APRT: variants seen among roughly 807,000 people sequenced by gnomAD.
APRT encodes the protein AMP diphosphorylase.
In APRT, 25 loss-of-function variants were observed where a neutral mutation model predicts 21.0. The observed-to-expected ratio is 1.19, with a 90% CI of 0.87 to 1.66. The LOEUF is 1.66. Among genes scored for constraint, APRT ranks in the 40% most tolerant of loss-of-function variants. APRT has a pLI of 0.00. For synonymous variants in APRT, 153 were observed against 109.0 expected (o/e 1.40, Z -2.52); for missense variants, 294 against 232.7 (o/e 1.26, Z -1.72).
In APRT at chr16:88,809,508, A is replaced by C; in HGVS notation, c.*190T>G. The stretch of plus-strand genomic sequence containing the variant: ...TTTACTGCGTTCTCCCGCTGTGTGT[A>C]ATTGGGTTCAGTGTGGCTGAAACAC... On this transcript the variant is annotated 3_prime_UTR_variant, in exon 5 of 5. Transcript: ENST00000378364. 1 of 871,580 alleles carries C rather than the reference A, an allele frequency of 1.1e-6. No homozygotes were observed. The highest frequency in any genetic ancestry group is 1.8e-6 in the Non-Finnish European group (1 of 541,028). 54.0% of individuals were successfully genotyped at this position (871,580 alleles called of 1,614,324 possible).
chr16:88,811,450 A>C (rs942498442), intron 2 of APRT, 100 bp downstream of exon 2: 3 of 1,287,754 alleles, frequency 2.3e-6, no homozygotes, highest in Non-Finnish European at 3.2e-6. Context: ...CCCCTGAAGC[A>C]CCCCAAAGGC....
chr16:88,810,426 C>A lies in APRT; in HGVS notation c.318G>T (p.Gly106=). 1 of 1,611,920 alleles carries A rather than the reference C, an allele frequency of 6.2e-7. No individual in the cohort carries two copies. Among genetic ancestry groups the A allele is most frequent in the Non-Finnish European group, 8.5e-7 (1 of 1,180,000 alleles). The change falls in exon 3 of 5, where the codon GGG becomes GGT. Residue 106 remains glycine, a synonymous_variant. Coordinates refer to ENST00000378364, the MANE Select transcript of APRT (RefSeq NM_000485.3). The stretch of plus-strand genomic sequence containing the variant: ...CTGGCCACCCCAGCCCTCTTACCTT[C>A]CCGTACTCCAGGGAATAGGAGGCCC... ...TLWASYSLEY[G]KAELEIQKDA... is the part of the protein sequence containing the mutation.
Position 88,811,753 on chromosome 16 carries a change from G to T in APRT, c.80+67C>A, listed in dbSNP as rs552374268. ...TTCCCGCCCCGCCCGCCCGGAGGTC[G>T]CGGGCCACGCGCTCCCATCCGTAGG... On this transcript the variant is annotated intron_variant, in intron 1 of 4. Transcript: ENST00000378364. 313 of 1,507,938 alleles carry T rather than the reference G, an allele frequency of 2.1e-4. 3 individuals are homozygous for T. In the South Asian group the frequency reaches 3.7e-3, roughly 18 times the overall value. The allele number at this position is 1,507,938 out of a possible 1,614,324, so 93.4% of individuals were successfully genotyped here.
intron 4 of APRT, 61 bp downstream of exon 4, chr16:88,810,009 T>C: frequency 6.3e-7 from 1 of 1,590,306 alleles, no homozygotes; most frequent in Non-Finnish European, 8.6e-7. Flanking sequence ...CACAGCGAGG[T>C]CCTGTCCCAC....
intron 2 of APRT, 169 bp downstream of exon 2, chr16:88,811,381 C>T: frequency 1.4e-6 from 1 of 709,516 alleles, no homozygotes; most frequent in Non-Finnish European, 2.3e-6. Context: ...GCGGCGGCCT[C>T]GGGGGCTCAA....
rs1471863801 is a variant in APRT at position 88,810,278 on chromosome 16, CTA to C, written c.322-132_322-131del. 3.3e-6 allele frequency: 5 copies of C among 1,500,398 alleles called. No individual in the cohort carries two copies. In the South Asian group the frequency reaches 3.4e-5, roughly 10 times the overall value. The allele number at this position is 1,500,398 out of a possible 1,614,324, so 92.9% of individuals were successfully genotyped here. A position where few individuals can be genotyped will look rare whatever the true frequency, so the allele number is the denominator to read the frequency against. ...TGTTACCTGGCTGTGTGAGCCCAGC[CTA>C]TGTCTCAACCTCTCTGAGCTCCCAA... is the stretch of plus-strand genomic sequence containing the variant. On this transcript the variant is annotated intron_variant, in intron 3 of 4. Coordinates refer to ENST00000378364, the MANE Select transcript of APRT (RefSeq NM_000485.3).
Position 88,811,662 on chromosome 16 carries a change from C to G in APRT, c.81-6G>C. On this transcript the variant is annotated splice_region_variant and splice_polypyrimidine_tract_variant and intron_variant, in intron 1 of 4. Transcript: ENST00000378364. ...TCAGGACGGGCGAGATGTCCCTGGA[C>G]CCAAGGACAGGCCTGGTGACGCCGG... is the stretch of plus-strand genomic sequence containing the variant. The G allele has an allele frequency of 6.3e-7, 1 of 1,581,412 alleles. No homozygotes were observed. The highest frequency in any genetic ancestry group is 8.6e-7 in the Non-Finnish European group (1 of 1,162,272).
intron 2 of APRT, among the ~76,000 whole-genome samples, chr16:88,811,005 C>T (rs1005242355): frequency 6.6e-6 from 1 of 152,142 alleles, no homozygotes; most frequent in Non-Finnish European, 1.5e-5. Context: ...GAGAAGGGAG[C>T]TCTGGCAGTG....
intron 4 of APRT, 41 bp downstream of exon 4, chr16:88,810,029 G>A: frequency 6.2e-7 from 1 of 1,606,240 alleles, no homozygotes; most frequent in Non-Finnish European, 8.5e-7. Flanking sequence ...CTCCCACCAG[G>A]CCCTTGGAGC....
chr16:88,810,635 C>G (rs1158671305), intron 2 of APRT, 79 bp from the exon 3 acceptor site: 20 of 1,542,048 alleles, frequency 1.3e-5, no homozygotes, highest in Non-Finnish European at 1.6e-5. Flanking sequence ...CAAGGGGTAC[C>G]TGGTTGGCTC....
chr16:88,810,394 C>T (rs1909075345), intron 3 of APRT, 29 bp downstream of exon 3: 1 of 1,609,918 alleles, frequency 6.2e-7, no homozygotes, highest in Non-Finnish European at 8.5e-7. Flanking sequence ...CTGGCCCTGC[C>T]CTTCCTCTGG....
chr16:88,811,553 C>T lies in APRT; in HGVS notation c.184G>A (p.Ala62Thr). Residue 62 changes from alanine (A) to threonine (T), a missense_variant, in exon 2 of 5, where the codon GCA (alanine) becomes ACA (threonine). By Grantham distance (58) the Ala-to-Thr change is moderately conservative. Coordinates refer to ENST00000378364, the MANE Select transcript of APRT (RefSeq NM_000485.3). ...GATGCGGCCACTGGGCACTCGCCTG[C>T]GATGTAGTCGATGCGGCCCCCGTGG... The part of the protein sequence containing the change: ...ATHGGRIDYI[A>T]GLDSRGFLFG... 1 of 1,593,346 alleles carries T rather than the reference C, an allele frequency of 6.3e-7. No homozygotes were observed. The highest frequency in any genetic ancestry group is 8.5e-7 in the Non-Finnish European group (1 of 1,171,368).
intron 2 of APRT, 47 bp downstream of exon 2, chr16:88,811,503 C>G: frequency 6.6e-7 from 1 of 1,523,320 alleles, no homozygotes; most frequent in African/African-American, 1.4e-5. Context: ...CTGCCCTCGG[C>G]GCGCGCAGAG....
chr16:88,809,739 G>A lies in APRT; in HGVS notation c.502C>T (p.Leu168=). ...ELTSLKGREK[L]APVPFFSLLQ... ...AGAGAGAAGAAGGGTACAGGTGCCA[G>A]CTTCTCCCTGCCCTTAAGCGAGGTC... The change falls in exon 5 of 5, where the codon CTG becomes TTG. Residue 168 remains leucine, a synonymous_variant. Transcript: ENST00000378364. 2 of 1,613,414 alleles carry A rather than the reference G, an allele frequency of 1.2e-6. No individual in the cohort carries two copies. The highest frequency in any genetic ancestry group is 1.1e-5 in the South Asian group (1 of 91,090).
At chr16:88,810,722 G>A (rs1264124423) in intron 2 of APRT, among the ~76,000 whole-genome samples, 166 bp from the exon 3 acceptor site, 3 of 152,224 alleles carry the variant, frequency 2.0e-5, no homozygotes, top group African/African-American at 4.8e-5. Context: ...CCAGGTCAGA[G>A]TGCAGACCTG....
At position 88,809,464 on chromosome 16, in the gene APRT, G is replaced by C; in HGVS notation, c.*234C>G. ...CCTGGGGAACAGGAGGACAGGAGAC[G>C]GCTCTTGTGGGAAAGCTGTTTACTG... On this transcript the variant is annotated 3_prime_UTR_variant, in exon 5 of 5. Coordinates refer to ENST00000378364, the MANE Select transcript of APRT (RefSeq NM_000485.3). 1 of 676,720 alleles carries C rather than the reference G, an allele frequency of 1.5e-6. No homozygotes were observed. The highest frequency in any genetic ancestry group is 2.6e-6 in the Non-Finnish European group (1 of 378,260). The allele number at this position is 676,720 out of a possible 1,614,324, so 41.9% of individuals were successfully genotyped here. A position where few individuals can be genotyped will look rare whatever the true frequency, so the allele number is the denominator to read the frequency against.
chr16:88,811,613 C>T lies in APRT; in HGVS notation c.124G>A (p.Ala42Thr). ...AGGTGTCGCGCCAGGAGGCCGATGGCGGCGCGGAAGGAGGCGGGGTCCTTC... is the reference window on the plus strand; with the variant it reads ...AGGTGTCGCGCCAGGAGGCCGATGGTGGCGCGGAAGGAGGCGGGGTCCTTC... ...VLKDPASFRA[A>T]IGLLARHLKA... is the part of the protein sequence containing the mutation. Residue 42 changes from alanine to threonine, a missense_variant, in exon 2 of 5, where the codon GCC becomes ACC. Ala to Thr is a moderately conservative substitution (Grantham distance 58). Coordinates refer to ENST00000378364, the MANE Select transcript of APRT (RefSeq NM_000485.3). 1 of 1,603,714 alleles carries T rather than the reference C, an allele frequency of 6.2e-7. No individual in the cohort carries two copies. The highest frequency in any genetic ancestry group is 1.3e-5 in the African/African-American group (1 of 74,768).
rs527932929 is a variant in APRT at position 88,811,752 on chromosome 16, C to G, written c.80+68G>C. ...GTTCCCGCCCCGCCCGCCCGGAGGTCGCGGGCCACGCGCTCCCATCCGTAG... is the reference window on the plus strand; with the variant it reads ...GTTCCCGCCCCGCCCGCCCGGAGGTGGCGGGCCACGCGCTCCCATCCGTAG... On this transcript the variant is annotated intron_variant, in intron 1 of 4. Coordinates refer to ENST00000378364, the MANE Select transcript of APRT (RefSeq NM_000485.3). 314 of 1,505,738 alleles carry G rather than the reference C, an allele frequency of 2.1e-4. 3 individuals are homozygous for G. The South Asian group carries it at 3.7e-3, about 18-fold the overall frequency. The allele number at this position is 1,505,738 out of a possible 1,614,324, so 93.3% of individuals were successfully genotyped here. A position where few individuals can be genotyped will look rare whatever the true frequency, so the allele number is the denominator to read the frequency against.
intron 2 of APRT, chr16:88,811,175 A>C: frequency 2.3e-6 from 1 of 428,640 alleles, no homozygotes; most frequent in Non-Finnish European, 4.2e-6. Flanking sequence ...CTGGGTGGGC[A>C]TTCCGTGATC....
Sources: allele counts gnomAD v4.1 joint callset (sites outside exome capture counted in the v4.1 genomes callset), GRCh38; gene constraint gnomAD v4.1.1; transcripts MANE v1.5; gene names NCBI Gene and HGNC (gene_info 2026-07-23, HGNC 2026-07-21).